Variants in SLC4A4 observed in about 807,000 individuals in gnomAD.
SLC4A4 encodes solute carrier family 4 member 4.
SLC4A4 carries 27 observed loss-of-function variants against 111.5 expected under a neutral mutation model. The ratio of observed to expected loss-of-function variants is 0.24; its 90% CI spans 0.18 to 0.33. The LOEUF is 0.33. Ranked by LOEUF, SLC4A4 falls within the 10% of genes least tolerant of loss-of-function variation. The pLI is 1.00. For synonymous variants in SLC4A4, 443 were observed against 463.4 expected (o/e 0.96, Z 0.57); for missense variants, 909 against 1,315.5 (o/e 0.69, Z 4.78).
intron 5 of SLC4A4, among the ~76,000 whole-genome samples, chr4:71,352,078 C>G (rs1445872831): frequency 1.3e-5 from 2 of 152,086 alleles, no homozygotes; most frequent in African/African-American, 4.8e-5. Context: ...TTTTCTGGGC[C>G]ATCTGTTCCA....
intron 1 of SLC4A4, among the ~76,000 whole-genome samples, chr4:71,091,269 T>A (rs2148940851): frequency 6.6e-6 from 1 of 150,494 alleles, no homozygotes; most frequent in Non-Finnish European, 1.5e-5. Flanking sequence ...TTTTTTTTTT[T>A]TGAGCCGGAG....
At chr4:71,107,356 TG>T (rs533901917) in intron 2 of SLC4A4, among the ~76,000 whole-genome samples, 2,912 of 151,408 alleles carry the variant, frequency 0.019, 47 homozygotes, top group Middle Eastern at 0.038. Flanking sequence ...TTGTTTTTGG[TG>T]TTTTTTTGAG....
At chr4:71,118,630 A>C (rs924209066) in intron 2 of SLC4A4, among the ~76,000 whole-genome samples, 33 of 152,218 alleles carry the variant, frequency 2.2e-4, no homozygotes, top group African/African-American at 7.9e-4. Context: ...CTTTTCTGGA[A>C]ATATCTTTAT....
In SLC4A4 at chr4:71,352,119, G is replaced by A. The variant is rs561333574; in HGVS notation, c.550+2047G>A. Among the ~76,000 whole-genome samples, 250 of 152,244 alleles carry A rather than the reference G, an allele frequency of 1.6e-3. 2 individuals are homozygous for A. Among genetic ancestry groups the A allele is most frequent in the African/African-American group, 5.9e-3 (244 of 41,536 alleles). On this transcript the variant is annotated intron_variant, in intron 5 of 25. Transcript: ENST00000264485. ...TTTTTTCATTCATTAAAAGCTGCAA[G>A]AAAGATTGTTATCCAGAAAAGTATA...
chr4:71,164,765 C>A (rs2148979117), intron 2 of SLC4A4, among the ~76,000 whole-genome samples: 1 of 152,226 alleles, frequency 6.6e-6, no homozygotes, highest in South Asian at 2.1e-4. Flanking sequence ...AGCGAACAGG[C>A]AACCCACAGA....
chr4:71,107,297 T>C (rs1742958420), intron 2 of SLC4A4, among the ~76,000 whole-genome samples: 1 of 152,208 alleles, frequency 6.6e-6, no homozygotes, highest in South Asian at 2.1e-4. Flanking sequence ...ATATCTTTTT[T>C]GTCCTTCATT....
At chr4:71,454,623 T>C (rs1362704906) in intron 12 of SLC4A4, among the ~76,000 whole-genome samples, 1 of 152,172 alleles carries the variant, frequency 6.6e-6, no homozygotes, top group Non-Finnish European at 1.5e-5. Context: ...GGCACATGCA[T>C]ATTTTAGATT....
At chr4:71,091,402 G>A (rs571899947) in intron 1 of SLC4A4, among the ~76,000 whole-genome samples, 150 of 151,962 alleles carry the variant, frequency 9.9e-4, no homozygotes, top group African/African-American at 3.2e-3. Context: ...ACAGGCACCC[G>A]CCACCACGCT....
chr4:71,282,341 T>C (rs1723589361), intron 3 of SLC4A4, among the ~76,000 whole-genome samples: 1 of 151,914 alleles, frequency 6.6e-6, no homozygotes, highest in Non-Finnish European at 1.5e-5. Context: ...TTGCCCAGGC[T>C]GGAGTGCAAT....
At chr4:71,294,086 T>C (rs1244014630) in intron 3 of SLC4A4, among the ~76,000 whole-genome samples, 2 of 152,242 alleles carry the variant, frequency 1.3e-5, no homozygotes. Context: ...AGAGTTTGTA[T>C]GTTCCCCTAA....
At chr4:71,102,108 G>T (rs987134318) in intron 2 of SLC4A4, among the ~76,000 whole-genome samples, 17 of 152,248 alleles carry the variant, frequency 1.1e-4, no homozygotes, top group Non-Finnish European at 2.5e-4. Flanking sequence ...CAAGGCTCAA[G>T]AACTATGTGA....
intron 2 of SLC4A4, among the ~76,000 whole-genome samples, chr4:71,160,238 ACTCT>A (rs1312662001): frequency 6.6e-6 from 1 of 151,566 alleles, no homozygotes; most frequent in Non-Finnish European, 1.5e-5. Flanking sequence ...ATGACCCAAT[ACTCT>A]CTCTTCCTGG....
At chr4:71,315,892 A>C (rs1040543249) in intron 3 of SLC4A4, among the ~76,000 whole-genome samples, 1 of 152,122 alleles carries the variant, frequency 6.6e-6, no homozygotes, top group Non-Finnish European at 1.5e-5. Context: ...GGGAAACTGA[A>C]GTTCCATTTC....
At chr4:71,383,252 T>C (rs1295211151) in intron 6 of SLC4A4, among the ~76,000 whole-genome samples, 1 of 152,212 alleles carries the variant, frequency 6.6e-6, no homozygotes, top group Non-Finnish European at 1.5e-5. Context: ...AAGAACTTTC[T>C]ATATCCGTGA....
intron 6 of SLC4A4, among the ~76,000 whole-genome samples, chr4:71,367,870 T>C (rs1403379583): frequency 1.3e-5 from 2 of 152,212 alleles, no homozygotes; most frequent in African/African-American, 4.8e-5. Context: ...TATAAACTTA[T>C]ATTAATTTGT....
chr4:71,311,466 C>T (rs936302169), intron 3 of SLC4A4, among the ~76,000 whole-genome samples: 8 of 152,074 alleles, frequency 5.3e-5, no homozygotes, highest in Non-Finnish European at 1.2e-4. Context: ...TTAGCAAATG[C>T]AAAAGAATGG....
intron 12 of SLC4A4, among the ~76,000 whole-genome samples, chr4:71,463,712 G>C (rs1442271575): frequency 6.6e-6 from 1 of 152,082 alleles, no homozygotes; most frequent in Non-Finnish European, 1.5e-5. Flanking sequence ...TTGATAAGTG[G>C]AACCTAGAGT....
intron 4 of SLC4A4, among the ~76,000 whole-genome samples, chr4:71,347,987 A>G (rs1043040169): frequency 4.6e-5 from 7 of 152,248 alleles, no homozygotes; most frequent in Non-Finnish European, 2.9e-5. Flanking sequence ...ATATATGATG[A>G]TATCTTCCTT....
chr4:71,339,619 T>A, intron 4 of SLC4A4, 114 bp downstream of exon 4: 1 of 958,678 alleles, frequency 1.0e-6, no homozygotes, highest in Non-Finnish European at 1.7e-6. Flanking sequence ...CCAATGGGCA[T>A]GATGTTGGCT....
Sources: allele counts gnomAD v4.1 joint callset (sites outside exome capture counted in the v4.1 genomes callset), GRCh38; gene constraint gnomAD v4.1.1; transcripts MANE v1.5; gene names NCBI Gene and HGNC (gene_info 2026-07-23, HGNC 2026-07-21).